PCMT1: variants seen among roughly 807,000 people sequenced by gnomAD.
PCMT1 encodes protein-L-isoaspartate(D-aspartate) O-methyltransferase.
In PCMT1, 9 loss-of-function variants were observed where a neutral mutation model predicts 29.2. That is an observed-to-expected ratio of 0.31 (90% confidence interval 0.19 to 0.54). The LOEUF is 0.54. PCMT1 is among the 20% of genes least tolerant of loss of function. The pLI is 0.95. For missense variants in PCMT1, 184 were observed against 282.2 expected (o/e 0.65, Z 2.49); for synonymous variants, 98 against 97.5 (o/e 1.00, Z -0.03).
At chr6:149,809,081 C>A (rs1325234000) in intron 7 of PCMT1, among the ~76,000 whole-genome samples, 1 of 149,436 alleles carries the variant, frequency 6.7e-6, no homozygotes, top group Non-Finnish European at 1.5e-5. Context: ...GTGGTGAAAC[C>A]CTGTCTCTAC....
intron 1 of PCMT1, among the ~76,000 whole-genome samples, chr6:149,752,301 G>A (rs1016708449): frequency 6.6e-6 from 1 of 151,988 alleles, no homozygotes; most frequent in South Asian, 2.1e-4. Flanking sequence ...GGGTTCAAGC[G>A]ATTCTTCTGC....
chr6:149,794,879 C>G (rs1241991327), intron 5 of PCMT1: 1 of 483,454 alleles, frequency 2.1e-6, no homozygotes, highest in Non-Finnish European at 4.2e-6. Context: ...AACAGAGTCT[C>G]AACTCACTTC....
chr6:149,749,754 C>CGGCGGCGACGGCAGT lies in PCMT1; in HGVS notation c.-147_-133dup. 6.5e-7 allele frequency: 1 copy of CGGCGGCGACGGCAGT among 1,545,284 alleles called. No homozygotes were observed. The highest frequency in any genetic ancestry group is 8.7e-7 in the Non-Finnish European group (1 of 1,144,100). On this transcript the variant is annotated 5_prime_UTR_variant, in exon 1 of 8. Transcript: ENST00000464889. ...TGCCGGGAGCGCGCAGTGGCGGCAGCGGCGGCGACGGCAGTAACAGCGGCA... is the reference window on the plus strand; with the variant it reads ...TGCCGGGAGCGCGCAGTGGCGGCAGCGGCGGCGACGGCAGTGGCGGCGACGGCAGTAACAGCGGCA...
chr6:149,789,761 G>A (rs1036469746), intron 3 of PCMT1, among the ~76,000 whole-genome samples, 193 bp from the exon 4 acceptor site: 2 of 152,012 alleles, frequency 1.3e-5, no homozygotes, highest in Non-Finnish European at 2.9e-5. Context: ...TAAAATTACT[G>A]AAACACATGA....
In PCMT1 at chr6:149,809,364, A is replaced by G. The variant is rs2115355619; in HGVS notation, c.*38-1252A>G. Among the ~76,000 whole-genome samples the G allele has an allele frequency of 1.3e-5, 2 of 152,026 alleles. 1 individual carries two copies. The highest frequency in any genetic ancestry group is 3.9e-4 in the East Asian group (2 of 5,162). Reference sequence around the variant, plus strand: ...TACTTTATGAATAGAGCACTTTGCAAATAATTCTTTGTTGACCAAATATTT... The same window carrying G: ...TACTTTATGAATAGAGCACTTTGCAGATAATTCTTTGTTGACCAAATATTT... On this transcript the variant is annotated intron_variant, in intron 7 of 7. Transcript: ENST00000464889.
At chr6:149,769,740 A>G (rs962427737) in intron 1 of PCMT1, among the ~76,000 whole-genome samples, 4 of 145,610 alleles carry the variant, frequency 2.7e-5, no homozygotes, top group South Asian at 4.5e-4. Flanking sequence ...TTATGACTAC[A>G]TGGTTGTGCC....
At chr6:149,809,605 C>T in intron 7 of PCMT1, among the ~76,000 whole-genome samples, 1 of 151,978 alleles carries the variant, frequency 6.6e-6, no homozygotes, top group Non-Finnish European at 1.5e-5. Flanking sequence ...TAATTTACCC[C>T]CACTTACTTG....
At chr6:149,800,328 G>A (rs975316250) in intron 6 of PCMT1, among the ~76,000 whole-genome samples, 7 of 152,042 alleles carry the variant, frequency 4.6e-5, no homozygotes, top group Non-Finnish European at 1.0e-4. Flanking sequence ...AATTAGTCGG[G>A]CTCGGTGGTG....
chr6:149,750,357 AC>A, intron 1 of PCMT1: 1 of 190,450 alleles, frequency 5.3e-6, no homozygotes, highest in Non-Finnish European at 1.1e-5. Context: ...CGCTCAGGAG[AC>A]CCCACCCTCG....
rs901687916 is a variant in PCMT1 at position 149,749,811 on chromosome 6, G to C, written c.-91G>C. ...GCGGGGACGCGAGCGGGGCGGTGAC[G>C]GTGTGGGAGGTGGTCTCACTCTTGG... On this transcript the variant is annotated 5_prime_UTR_variant, in exon 1 of 8. Transcript: ENST00000464889. The C allele has an allele frequency of 6.4e-7, 1 of 1,554,264 alleles. No individual in the cohort carries two copies. Among genetic ancestry groups the C allele is most frequent in the Admixed American group, 2.0e-5 (1 of 51,080 alleles).
At chr6:149,809,258 CAAA>C (rs1209712068) in intron 7 of PCMT1, among the ~76,000 whole-genome samples, 24 of 47,088 alleles carry the variant, frequency 5.1e-4, no homozygotes, top group Admixed American at 1.6e-3. Flanking sequence ...GACTCTGTCT[CAAA>C]AAAAAAAAAA....
chr6:149,750,248 G>A lies in PCMT1; in HGVS notation c.55+292G>A, dbSNP rs182538620. On this transcript the variant is annotated intron_variant, in intron 1 of 7. Transcript: ENST00000464889. The stretch of plus-strand genomic sequence containing the variant: ...CTGGGGGAGGGAGTGCAGTACAGGT[G>A]ATGCTGCTGTCACTCAGGTCCGCGT... 3.3e-4 allele frequency: 146 copies of A among 437,386 alleles called. 2 individuals carry two copies. The East Asian group carries it at 4.2e-3, about 12-fold the overall frequency. The allele number at this position is 437,386 out of a possible 1,614,324, so 27.1% of individuals were successfully genotyped here.
intron 3 of PCMT1, among the ~76,000 whole-genome samples, chr6:149,778,268 G>A (rs555215470): frequency 1.1e-4 from 16 of 151,376 alleles, no homozygotes; most frequent in East Asian, 7.8e-4. Context: ...TCTCTCTGTC[G>A]CCCAGGCTGG....
At chr6:149,755,820 G>A (rs1786483140) in intron 1 of PCMT1, among the ~76,000 whole-genome samples, 1 of 152,178 alleles carries the variant, frequency 6.6e-6, no homozygotes, top group Non-Finnish European at 1.5e-5. Context: ...TATGTCACAT[G>A]ATAAGTGACA....
At chr6:149,765,361 A>AAAAG (rs1355613080) in intron 1 of PCMT1, among the ~76,000 whole-genome samples, 1 of 148,918 alleles carries the variant, frequency 6.7e-6, no homozygotes, top group Admixed American at 6.7e-5. Context: ...CTCTGTCTCA[A>AAAAG]AAAAAAAAAA....
intron 1 of PCMT1, among the ~76,000 whole-genome samples, chr6:149,768,413 T>C (rs1787178527): frequency 1.3e-5 from 2 of 151,478 alleles, no homozygotes; most frequent in Admixed American, 6.6e-5. Flanking sequence ...AAATTCTTAT[T>C]ATAATAGGTG....
chr6:149,767,705 T>G (rs1031977270), intron 1 of PCMT1, among the ~76,000 whole-genome samples: 1 of 151,506 alleles, frequency 6.6e-6, no homozygotes, highest in Non-Finnish European at 1.5e-5. Flanking sequence ...CCACCCACCT[T>G]GGCTTTCTAA....
chr6:149,776,538 G>C (rs552311415), intron 3 of PCMT1, among the ~76,000 whole-genome samples: 34 of 152,034 alleles, frequency 2.2e-4, no homozygotes, highest in African/African-American at 7.7e-4. Context: ...TGGCCTCCCA[G>C]AGTGCTGGGA....
At chr6:149,769,237 A>G (rs1176334963) in intron 1 of PCMT1, among the ~76,000 whole-genome samples, 4 of 148,394 alleles carry the variant, frequency 2.7e-5, no homozygotes, top group African/African-American at 7.5e-5. Context: ...AGCATCCTGC[A>G]CCTTCTTTAA....
Sources: gnomAD v4.1 joint callset for allele counts (sites outside exome capture counted in the v4.1 genomes callset) on GRCh38, gnomAD v4.1.1 for gene constraint, MANE v1.5 for transcripts, NCBI Gene and HGNC (gene_info 2026-07-23, HGNC 2026-07-21) for gene names.